LIPA: variants seen among roughly 807,000 people sequenced by gnomAD.
LIPA encodes the protein lysosomal acid lipase/cholesteryl ester hydrolase.
A neutral mutation model predicts 40.6 loss-of-function variants in LIPA; 26 were observed. The ratio of observed to expected loss-of-function variants is 0.64; its 90% confidence interval spans 0.47 to 0.89. The LOEUF is 0.89. Ranked by LOEUF, LIPA falls within the 40% of genes least tolerant of loss-of-function variation. The probability of loss-of-function intolerance (pLI) is 0.00; values close to 1 mark genes in which losing one functional copy is unlikely to be tolerated. For missense variants in LIPA, 455 were observed against 479.6 expected (o/e 0.95, Z 0.48); for synonymous variants, 188 against 168.4 (o/e 1.12, Z -0.90).
chr10:89,357,033 A>C (rs627524), intron 2 of LIPA, among the ~76,000 whole-genome samples: 95,991 of 151,978 alleles, frequency 0.63, 32,918 homozygotes, highest in East Asian at 0.94. Context: ...CAACCAGCCC[A>C]CATAATGAAC....
chr10:89,410,890 G>A (rs1377218053), intron 2 of LIPA, among the ~76,000 whole-genome samples: 1 of 152,192 alleles, frequency 6.6e-6, no homozygotes, highest in Non-Finnish European at 1.5e-5. Flanking sequence ...CAGCAGAAAG[G>A]AAAGCAAGAA....
Position 89,383,938 on chromosome 10 carries a change from G to T in LIPA, c.61+28853C>A, listed in dbSNP as rs1421099327. On this transcript the variant is annotated intron_variant, in intron 2 of 8. Transcript: ENST00000371837. The stretch of plus-strand genomic sequence containing the variant: ...ATTTTCTCTGCACGTCCTAAAACGA[G>T]CTGTCAGGCTAAATCCAGATGATGT... 5 of 1,614,200 alleles carry T rather than the reference G, an allele frequency of 3.1e-6. No individual in the cohort carries two copies. The highest frequency in any genetic ancestry group is 3.3e-5 in the Admixed American group (2 of 60,022).
At chr10:89,321,800 C>A (rs1359413373) in intron 1 of LIPA, among the ~76,000 whole-genome samples, 1 of 152,140 alleles carries the variant, frequency 6.6e-6, no homozygotes, top group African/African-American at 2.4e-5. Flanking sequence ...TTCACAATAG[C>A]AAAGACTTGG....
chr10:89,240,862 T>A (rs1842956901), intron 3 of LIPA, among the ~76,000 whole-genome samples: 1 of 152,186 alleles, frequency 6.6e-6, no homozygotes, highest in South Asian at 2.1e-4. Context: ...ACAGGAGGGC[T>A]GCAGGAGCAT....
intron 3 of LIPA, 48 bp downstream of exon 3, chr10:89,245,628 C>G: frequency 1.0e-6 from 1 of 978,552 alleles, no homozygotes; most frequent in Non-Finnish European, 1.7e-6. Flanking sequence ...GTTACTAACA[C>G]AAAACCCAGA....
intron 1 of LIPA, among the ~76,000 whole-genome samples, chr10:89,327,643 T>C (rs113118168): frequency 1.3e-5 from 2 of 152,348 alleles, no homozygotes; most frequent in African/African-American, 4.8e-5. Context: ...CAGCTTCCCC[T>C]TCACATCAGT....
chr10:89,348,572 G>A (rs1049045610), intron 2 of LIPA, among the ~76,000 whole-genome samples: 2 of 152,204 alleles, frequency 1.3e-5, no homozygotes, highest in Non-Finnish European at 2.9e-5. Flanking sequence ...ACAAGAGAAA[G>A]GAGGGCATTT....
chr10:89,252,341 A>T (rs1843138245), upstream of LIPA, among the ~76,000 whole-genome samples: 1 of 152,250 alleles, frequency 6.6e-6, no homozygotes, highest in South Asian at 2.1e-4. Context: ...TTGAGCACCT[A>T]CTAAATGCCA....
rs1282696174 is a variant in LIPA, at chr10:89,223,786, C to A, written c.720G>T (p.Leu240Phe). The A allele has an allele frequency of 6.2e-7, 1 of 1,614,084 alleles. No homozygotes were observed. The highest frequency in any genetic ancestry group is 1.1e-5 in the South Asian group (1 of 91,084). Residue 240 changes from leucine to phenylalanine, a missense_variant, in exon 7 of 10, where the codon TTG becomes TTT. By Grantham distance (22) the Leu-to-Phe change is conservative. Transcript: ENST00000336233. ...TGCAAACGTGGGTACCCAGCCACTTCAAAAACGCACTCTGGGGAAGAAATT... is the reference window on the plus strand; with the variant it reads ...TGCAAACGTGGGTACCCAGCCACTTAAAAAACGCACTCTGGGGAAGAAATT... ...DKEFLPQSAFLKWLGTHVCTH... is the reference protein window; with the variant it reads ...DKEFLPQSAFFKWLGTHVCTH...
At chr10:89,317,356 C>T (rs1384160292) in intron 1 of LIPA, among the ~76,000 whole-genome samples, 8 of 152,092 alleles carry the variant, frequency 5.3e-5, no homozygotes, top group African/African-American at 9.7e-5. Flanking sequence ...GAATAAAGAG[C>T]GTAGAGAAGA....
intron 2 of LIPA, among the ~76,000 whole-genome samples, chr10:89,411,763 C>T (rs1009658804): frequency 5.3e-5 from 8 of 152,156 alleles, no homozygotes; most frequent in African/African-American, 1.7e-4. Flanking sequence ...TGTTTTTACA[C>T]TAACCAGTCA....
At chr10:89,404,021 A>G in intron 2 of LIPA, 1 of 217,394 alleles carries the variant, frequency 4.6e-6, no homozygotes, top group South Asian at 1.4e-4. Context: ...GTGAAATAAA[A>G]ATAAAATCCT....
At chr10:89,356,226 AG>A (rs1370155954) in intron 2 of LIPA, among the ~76,000 whole-genome samples, 1 of 151,832 alleles carries the variant, frequency 6.6e-6, no homozygotes, top group African/African-American at 2.4e-5. Flanking sequence ...GAGTAGGGGG[AG>A]GAAGGGTGGG....
intron 1 of LIPA, among the ~76,000 whole-genome samples, chr10:89,270,769 G>T (rs1843261465): frequency 6.6e-6 from 1 of 152,198 alleles, no homozygotes; most frequent in South Asian, 2.1e-4. Context: ...AGATCTGATG[G>T]TGCTCGAAGT....
chr10:89,360,860 C>A (rs1844017839), intron 2 of LIPA, among the ~76,000 whole-genome samples: 1 of 152,178 alleles, frequency 6.6e-6, no homozygotes. Context: ...TTTTGGAGCC[C>A]AAGAGCCTAA....
At chr10:89,255,049 T>C (rs1843174010), upstream of LIPA, among the ~76,000 whole-genome samples, 1 of 152,218 alleles carries the variant, frequency 6.6e-6, no homozygotes, top group Admixed American at 6.5e-5. Context: ...CCTGACTTCT[T>C]CTGAGCCCTC....
At chr10:89,262,810 A>C (rs1420543111) in intron 1 of LIPA, among the ~76,000 whole-genome samples, 1 of 152,262 alleles carries the variant, frequency 6.6e-6, no homozygotes, top group African/African-American at 2.4e-5. Context: ...AGTAAATTTC[A>C]TCAAAACAAT....
upstream of LIPA, among the ~76,000 whole-genome samples, chr10:89,252,209 C>T (rs994674450): frequency 2.0e-5 from 3 of 152,128 alleles, no homozygotes; most frequent in African/African-American, 7.2e-5. Flanking sequence ...TATCATTGTG[C>T]CTGATGCAAA....
intron 8 of LIPA, among the ~76,000 whole-genome samples, chr10:89,217,822 A>G (rs1415008579): frequency 6.6e-6 from 1 of 152,248 alleles, no homozygotes; most frequent in Non-Finnish European, 1.5e-5. Flanking sequence ...AACCAAAAGC[A>G]GTTTTGAAGA....
Sources: gnomAD v4.1 joint callset for allele counts (sites outside exome capture counted in the v4.1 genomes callset) on GRCh38, gnomAD v4.1.1 for gene constraint, MANE v1.5 for transcripts, NCBI Gene and HGNC (gene_info 2026-07-23, HGNC 2026-07-21) for gene names.